Variants in CA5A observed in about 807,000 individuals in gnomAD.
The protein encoded by CA5A is carbonic anhydrase 5A, mitochondrial.
In CA5A, 28 loss-of-function variants were observed where a neutral mutation model predicts 37.1. That is an observed-to-expected ratio of 0.75 (90% CI 0.56 to 1.03). The LOEUF is 1.03. Among genes scored for constraint, CA5A ranks in the 50% least tolerant of loss-of-function variants. CA5A has a pLI of 0.00. For synonymous variants in CA5A, 171 were observed against 158.4 expected (o/e 1.08, Z -0.60); for missense variants, 444 against 399.9 (o/e 1.11, Z -0.94).
At chr16:87,914,985 G>A (rs1159293165) in intron 2 of CA5A, among the ~76,000 whole-genome samples, 3 of 152,244 alleles carry the variant, frequency 2.0e-5, no homozygotes, top group East Asian at 3.9e-4. Context: ...GAGTTGACGG[G>A]TGAGGGGTGT....
intron 2 of CA5A, among the ~76,000 whole-genome samples, chr16:87,909,114 A>G (rs1003521357): frequency 6.6e-6 from 1 of 151,708 alleles, no homozygotes; most frequent in East Asian, 1.9e-4. Context: ...TACAGACGTG[A>G]GCCACTGTGC....
At chr16:87,898,579 G>A (rs1461932593) in intron 5 of CA5A, among the ~76,000 whole-genome samples, 1 of 152,166 alleles carries the variant, frequency 6.6e-6, no homozygotes, top group Non-Finnish European at 1.5e-5. Context: ...TTTTCGTTTC[G>A]TGACGGGCAG....
At chr16:87,930,225 G>A (rs2056383923) in intron 1 of CA5A, among the ~76,000 whole-genome samples, 1 of 152,188 alleles carries the variant, frequency 6.6e-6, no homozygotes, top group Admixed American at 6.5e-5. Context: ...CACTATGAAT[G>A]TTTGTTGAAT....
intron 5 of CA5A, among the ~76,000 whole-genome samples, chr16:87,896,774 G>A (rs1355898318): frequency 6.6e-6 from 1 of 152,210 alleles, no homozygotes; most frequent in Non-Finnish European, 1.5e-5. Flanking sequence ...CCTAGTAGCT[G>A]GGATTACACG....
chr16:87,886,861 G>A (rs975641340), downstream of CA5A: 1 of 152,038 alleles, frequency 6.6e-6, no homozygotes, highest in Non-Finnish European at 1.5e-5. Flanking sequence ...GTCCTTCTCT[G>A]ACAGGTACCA....
chr16:87,916,018 G>A (rs2056136456), intron 2 of CA5A, among the ~76,000 whole-genome samples: 1 of 151,868 alleles, frequency 6.6e-6, no homozygotes, highest in Admixed American at 6.6e-5. Flanking sequence ...TTGCATGGGG[G>A]CAGCCAAGAG....
chr16:87,929,297 C>G (rs2056363143), intron 1 of CA5A, among the ~76,000 whole-genome samples: 1 of 150,642 alleles, frequency 6.6e-6, no homozygotes, highest in Admixed American at 6.6e-5. Context: ...ACTAATAATG[C>G]AAAAATTAGC....
At chr16:87,896,803 G>C (rs1391362169) in intron 5 of CA5A, among the ~76,000 whole-genome samples, 2 of 152,142 alleles carry the variant, frequency 1.3e-5, no homozygotes, top group Non-Finnish European at 2.9e-5. Flanking sequence ...ATCACGCCTG[G>C]CTACTTTTCT....
downstream of CA5A, chr16:87,886,913 T>C (rs928359387): frequency 6.6e-6 from 1 of 152,204 alleles, no homozygotes; most frequent in Non-Finnish European, 1.5e-5. Context: ...TATTTATTTA[T>C]TTATTTTGAG....
intron 5 of CA5A, among the ~76,000 whole-genome samples, chr16:87,895,569 A>T (rs1276458800): frequency 6.6e-6 from 1 of 152,170 alleles, no homozygotes; most frequent in Non-Finnish European, 1.5e-5. Context: ...AAAACAAAAA[A>T]CAAAAAAAGT....
intron 2 of CA5A, among the ~76,000 whole-genome samples, chr16:87,905,557 C>G (rs6540104): frequency 0.14 from 21,487 of 151,888 alleles, 2,285 homozygotes; most frequent in African/African-American, 0.3. Flanking sequence ...CGGGGTTTCA[C>G]CATGTTAGCC....
downstream of CA5A, chr16:87,887,499 C>T (rs552596949): frequency 6.5e-6 from 1 of 152,820 alleles, no homozygotes; most frequent in African/African-American, 2.4e-5. Flanking sequence ...ACTGCAACCT[C>T]TGCCTCCCGG....
chr16:87,895,391 C>A (rs1415696189), intron 5 of CA5A, among the ~76,000 whole-genome samples: 1 of 151,782 alleles, frequency 6.6e-6, no homozygotes, highest in African/African-American at 2.4e-5. Context: ...ACTAAAAATA[C>A]AAAATTAGCC....
intron 1 of CA5A, among the ~76,000 whole-genome samples, chr16:87,929,668 C>A (rs531567545): frequency 1.3e-5 from 2 of 151,426 alleles, no homozygotes; most frequent in Non-Finnish European, 1.5e-5. Flanking sequence ...GTCAGGAGAT[C>A]GAGACCATCC....
rs867148089 is a variant in CA5A, at chr16:87,927,796, G to A, written c.143-851C>T. 1.4e-3 allele frequency among the ~76,000 whole-genome samples: 212 copies of A among 151,752 alleles called. 2 individuals are homozygous for A. Among genetic ancestry groups the A allele is most frequent in the African/African-American group, 4.9e-3 (202 of 41,304 alleles). On this transcript the variant is annotated intron_variant, in intron 1 of 6. Coordinates refer to ENST00000649794, the MANE Select transcript of CA5A (RefSeq NM_001739.2). ...GAATGGCGTGAACCCAGGAGGCAGA[G>A]GTGGTAGTGAGCCGAGATCGCGCCA...
chr16:87,894,313 G>C (rs867376406), intron 5 of CA5A, among the ~76,000 whole-genome samples: 1 of 152,042 alleles, frequency 6.6e-6, no homozygotes, highest in Non-Finnish European at 1.5e-5. Context: ...CCAGTCCAAA[G>C]TGACAGAGTC....
chr16:87,900,892 G>T (rs2055868455), intron 5 of CA5A, among the ~76,000 whole-genome samples: 1 of 152,190 alleles, frequency 6.6e-6, no homozygotes. Flanking sequence ...CATCACCCAG[G>T]ACAAGGCTAA....
At chr16:87,923,965 A>G (rs1198119641) in intron 2 of CA5A, 1 of 984,918 alleles carries the variant, frequency 1.0e-6, no homozygotes, top group African/African-American at 1.7e-5. Flanking sequence ...GAATTTTTAA[A>G]TAATATAACC....
intron 1 of CA5A, among the ~76,000 whole-genome samples, chr16:87,929,078 TTTC>T (rs2056359572): frequency 6.7e-6 from 1 of 149,950 alleles, no homozygotes; most frequent in Non-Finnish European, 1.5e-5. Flanking sequence ...CTTGGATTAT[TTTC>T]TTCTTACAAA....
Sources: allele counts gnomAD v4.1 joint callset (sites outside exome capture counted in the v4.1 genomes callset), GRCh38; gene constraint gnomAD v4.1.1; transcripts MANE v1.5; gene names NCBI Gene and HGNC (gene_info 2026-07-23, HGNC 2026-07-21).